SYNE1: variants seen among roughly 807,000 people sequenced by gnomAD.
SYNE1 encodes nesprin-1.
Under a neutral mutation model 1,111.0 loss-of-function variants are expected in SYNE1, and 616 were observed. That is an observed-to-expected ratio of 0.55 (90% CI 0.52 to 0.59). SYNE1 has a LOEUF of 0.59. Among genes scored for constraint, SYNE1 ranks in the 20% least tolerant of loss-of-function variants. The pLI is 0.00. For missense variants in SYNE1, 10,006 were observed against 10,417.0 expected, an observed-to-expected ratio of 0.96 and a Z score of 1.72; for synonymous variants, 3,855 against 3,825.8, an observed-to-expected ratio of 1.01 and a Z score of -0.28.
intron 130 of SYNE1, 128 bp from the exon 131 acceptor site, chr6:152,164,453 C>A: frequency 1.8e-6 from 2 of 1,086,442 alleles, no homozygotes; most frequent in Non-Finnish European, 1.3e-6. Context: ...GTGGAAGAAG[C>A]CAAAGACAGA....
At chr6:152,545,473 G>A (rs138654974) in intron 3 of SYNE1, among the ~76,000 whole-genome samples, 7,104 of 152,152 alleles carry the variant, frequency 0.047, 225 homozygotes, top group Non-Finnish European at 0.065. Context: ...CCAGCTACTC[G>A]GGAGGCTAAG....
intron 81 of SYNE1, among the ~76,000 whole-genome samples, 178 bp from the exon 82 acceptor site, chr6:152,323,915 C>A (rs1239503121): frequency 2.0e-5 from 3 of 152,074 alleles, no homozygotes; most frequent in African/African-American, 7.2e-5. Flanking sequence ...GATATCACCT[C>A]TATACCTCTG....
At chr6:152,597,733 T>C (rs954367988) in intron 3 of SYNE1, among the ~76,000 whole-genome samples, 2 of 152,220 alleles carry the variant, frequency 1.3e-5, no homozygotes, top group African/African-American at 4.8e-5. Flanking sequence ...GTAGCTATTA[T>C]GAATATATTT....
intron 3 of SYNE1, among the ~76,000 whole-genome samples, chr6:152,584,748 T>A (rs978139011): frequency 6.6e-6 from 1 of 152,176 alleles, no homozygotes; most frequent in African/African-American, 2.4e-5. Context: ...AACGTAATAT[T>A]TATATGTAAC....
chr6:152,184,627 CATATATAGATAGATAG>C (rs1293377530), intron 128 of SYNE1, among the ~76,000 whole-genome samples: 4 of 140,082 alleles, frequency 2.9e-5, no homozygotes, highest in Admixed American at 7.5e-5. Flanking sequence ...GGATTATACA[CATATATAGATAGATAG>C]ATAGATAGAT....
chr6:152,481,860 A>G (rs1412245820), intron 14 of SYNE1, among the ~76,000 whole-genome samples: 1 of 151,328 alleles, frequency 6.6e-6, no homozygotes, highest in East Asian at 1.9e-4. Flanking sequence ...GGCACAGATA[A>G]GCAGGCCCCG....
chr6:152,605,013 AGAGAGAGAGAGAGAGAGAGAGAGGGAGG>A, intron 3 of SYNE1, among the ~76,000 whole-genome samples: 1 of 48,864 alleles, frequency 2.0e-5, no homozygotes, highest in African/African-American at 1.0e-4. Context: ...AGAAAGAGAG[AGAGAGAGAGAGAGAGAGAGAGAGGGAGG>A]GAGGGAGGGA....
chr6:152,326,861 G>T (rs1361506548), intron 78 of SYNE1, among the ~76,000 whole-genome samples: 1 of 152,090 alleles, frequency 6.6e-6, no homozygotes, highest in Admixed American at 6.5e-5. Context: ...AAATAATAAG[G>T]ACAGAAATGG....
chr6:152,226,618 T>C (rs1157679678), intron 115 of SYNE1, among the ~76,000 whole-genome samples: 2 of 152,208 alleles, frequency 1.3e-5, no homozygotes, highest in African/African-American at 2.4e-5. Flanking sequence ...ATAACCCTAA[T>C]TTCTATTTTA....
rs968854661 is a variant in SYNE1 at position 152,398,702 on chromosome 6, A to G, written c.7267T>C (p.Leu2423=). ...ESMQEFQEWF[L]GAKAAAKESS... is the part of the protein sequence containing the mutation. The stretch of plus-strand genomic sequence containing the variant: ...TCTTTTGCTGCTGCCTTTGCTCCCA[A>G]AAACCATTCTTGGAATTCCTGCATA... The change falls in exon 49 of 146, where the codon TTG becomes CTG. Residue 2423 remains leucine, a synonymous_variant. Transcript: ENST00000367255. 2.0e-5 allele frequency: 33 copies of G among 1,613,992 alleles called. No homozygotes were observed. The highest frequency in any genetic ancestry group is 2.6e-5 in the Non-Finnish European group (31 of 1,179,900).
At chr6:152,374,207 A>T in intron 58 of SYNE1, among the ~76,000 whole-genome samples, 1 of 152,198 alleles carries the variant, frequency 6.6e-6, no homozygotes, top group East Asian at 1.9e-4. Flanking sequence ...TTTTCCTTTC[A>T]TGTGGCTAGA....
intron 78 of SYNE1, among the ~76,000 whole-genome samples, chr6:152,327,847 C>A (rs1327954742): frequency 6.6e-6 from 1 of 152,144 alleles, no homozygotes; most frequent in African/African-American, 2.4e-5. Flanking sequence ...GATTCTATAT[C>A]TCTATTTATA....
chr6:152,267,927 C>T (rs938509033), intron 100 of SYNE1, 129 bp downstream of exon 100: 4 of 814,704 alleles, frequency 4.9e-6, no homozygotes, highest in Admixed American at 4.0e-5. Context: ...ATTTACTACC[C>T]TAAAGTAAAA....
At chr6:152,471,845 G>T in intron 15 of SYNE1, 80 bp from the exon 16 acceptor site, 2 of 1,409,342 alleles carry the variant, frequency 1.4e-6, no homozygotes, top group Non-Finnish European at 1.0e-6. Context: ...TTACATGTCA[G>T]CCTTAAATAG....
At chr6:152,163,022 G>A (rs1237863310) in intron 131 of SYNE1, among the ~76,000 whole-genome samples, 5 of 152,238 alleles carry the variant, frequency 3.3e-5, no homozygotes, top group Admixed American at 1.3e-4. Context: ...AAAATAGGAG[G>A]TATTTACATT....
At chr6:152,394,781 CTTTTTCCTTTTTTTTT>C (rs988762819) in intron 51 of SYNE1, among the ~76,000 whole-genome samples, 2 of 137,860 alleles carry the variant, frequency 1.5e-5, no homozygotes, top group Non-Finnish European at 3.1e-5. Context: ...TTTTTTTTTT[CTTTTTCCTTTTTTTTT>C]TTTTTTGAGA....
chr6:152,129,345 TG>T (rs1335655888), intron 145 of SYNE1: 2 of 152,220 alleles, frequency 1.3e-5, no homozygotes, highest in Admixed American at 1.3e-4. Context: ...CTCGAAGGAA[TG>T]CTGTGGGGAT....
chr6:152,140,032 G>C lies in SYNE1; in HGVS notation c.25376C>G (p.Thr8459Arg). The part of the protein sequence containing the change: ...LNSIWAWLGD[T>R]EEELEQLQRL... ...CTGGAGCTGTTCCAACTCCTCCTCC[G>C]TGTCCCCCAGCCAGGCCCAGATGCT... Residue 8459 changes from threonine (T) to arginine (R), a missense_variant, in exon 140 of 146, where the codon ACG (threonine) becomes AGG (arginine). Coordinates refer to ENST00000367255, the MANE Select transcript of SYNE1 (RefSeq NM_182961.4). 1 of 1,614,118 alleles carries C rather than the reference G, an allele frequency of 6.2e-7. No homozygotes were observed. The highest frequency in any genetic ancestry group is 8.5e-7 in the Non-Finnish European group (1 of 1,179,996).
Position 152,409,596 on chromosome 6 carries a change from A to G in SYNE1, c.6344T>C (p.Ile2115Thr), listed in dbSNP as rs748191261. 1 of 1,613,900 alleles carries G rather than the reference A, an allele frequency of 6.2e-7. No individual in the cohort carries two copies. The highest frequency in any genetic ancestry group is 8.5e-7 in the Non-Finnish European group (1 of 1,179,964). ...CCATTTAAGATCCTCCTGATCTTTT[A>G]TGGTAGTTCTGGTTACAATCACACT... ...ASSVIVTRTT[I>T]KDQEDLKWAF... The change falls in exon 43 of 146, where the codon ATA becomes ACA. Residue 2115 changes from isoleucine to threonine, a missense_variant. Transcript: ENST00000367255.
Sources: allele counts gnomAD v4.1 joint callset (sites outside exome capture counted in the v4.1 genomes callset), GRCh38; gene constraint gnomAD v4.1.1; transcripts MANE v1.5; gene names NCBI Gene and HGNC (gene_info 2026-07-23, HGNC 2026-07-21).